The following PRRC2B variants were observed in gnomAD, a reference collection of about 807,000 sequenced individuals.
The protein encoded by PRRC2B is proline rich coiled-coil 2B.
A neutral mutation model predicts 242.3 loss-of-function variants in PRRC2B; 68 were observed. The observed-to-expected ratio is 0.28, with a 90% CI of 0.23 to 0.34. The LOEUF is 0.34. Ranked by LOEUF, PRRC2B falls within the 10% of genes least tolerant of loss-of-function variation. The pLI, the probability that PRRC2B is intolerant of heterozygous loss-of-function variation, is 1.00. For synonymous variants in PRRC2B, 1,228 were observed against 1,173.6 expected, an observed-to-expected ratio of 1.05 and a Z score of -0.95; for missense variants, 2,835 against 2,954.8, an observed-to-expected ratio of 0.96 and a Z score of 0.94.
chr9:131,386,178 A>G (rs1448406035), intron 1 of PRRC2B, among the ~76,000 whole-genome samples: 1 of 149,390 alleles, frequency 6.7e-6, no homozygotes, highest in African/African-American at 2.4e-5. Flanking sequence ...AGTGGCGTGA[A>G]CATGTCTCAC....
chr9:131,379,922 C>A (rs1174353654), intron 1 of PRRC2B, among the ~76,000 whole-genome samples: 4 of 151,198 alleles, frequency 2.6e-5, no homozygotes, highest in African/African-American at 7.3e-5. Context: ...CCGCACCCAG[C>A]CAGCCTTTTT....
upstream of PRRC2B, among the ~76,000 whole-genome samples, chr9:131,393,742 G>GGGCCCATGCCCTTCCCA (rs1337886162): frequency 1.6e-5 from 2 of 126,684 alleles, no homozygotes; most frequent in African/African-American, 3.0e-5. Flanking sequence ...GGCCCAGGCC[G>GGGCCCATGCCCTTCCCA]GGCCCATGCC....
intron 1 of PRRC2B, among the ~76,000 whole-genome samples, chr9:131,426,564 G>A (rs954774535): frequency 2.0e-5 from 3 of 151,980 alleles, no homozygotes; most frequent in Non-Finnish European, 4.4e-5. Flanking sequence ...GATTTAAAAT[G>A]GCCCATGGAC....
At position 131,476,555 on chromosome 9, in the gene PRRC2B, G is replaced by T; in HGVS notation, c.4406+20G>T. The T allele has an allele frequency of 6.4e-7, 1 of 1,554,066 alleles. No individual in the cohort carries two copies. The highest frequency in any genetic ancestry group is 1.2e-5 in the South Asian group (1 of 82,346). On this transcript the variant is annotated intron_variant, in intron 16 of 31. Transcript: ENST00000683519. ...GAAAAGGTAAAACCAGACACCATCT[G>T]GGCCCTTTTTGTTGTTGTGTTCTGT...
At chr9:131,490,412 C>G (rs1944155276) in intron 28 of PRRC2B, 2 of 517,686 alleles carry the variant, frequency 3.9e-6, no homozygotes, top group Non-Finnish European at 7.7e-6. Flanking sequence ...CAGCATCTTC[C>G]CATCATTTTC....
At chr9:131,490,235 A>C (rs570358816) in intron 28 of PRRC2B, among the ~76,000 whole-genome samples, 20 of 132,768 alleles carry the variant, frequency 1.5e-4, no homozygotes, top group South Asian at 5.0e-4. Context: ...CCCTCACCTC[A>C]CCCCCTTACC....
intron 10 of PRRC2B, among the ~76,000 whole-genome samples, chr9:131,458,901 A>G (rs1293690871): frequency 1.3e-5 from 2 of 152,230 alleles, no homozygotes; most frequent in Non-Finnish European, 2.9e-5. Context: ...AGCTTGCTTT[A>G]AAGTGAGGAT....
At chr9:131,435,312 G>T (rs2994054) in intron 3 of PRRC2B, among the ~76,000 whole-genome samples, 1 of 149,324 alleles carries the variant, frequency 6.7e-6, no homozygotes, top group Non-Finnish European at 1.5e-5. Flanking sequence ...AAAAAGAAAA[G>T]AAAAAAAAGT....
At position 131,487,261 on chromosome 9, in the gene PRRC2B, C is replaced by A; in HGVS notation, c.5951C>A (p.Ser1984Tyr). 1 of 1,612,494 alleles carries A rather than the reference C, an allele frequency of 6.2e-7. No individual in the cohort carries two copies. Among genetic ancestry groups the A allele is most frequent in the South Asian group, 1.1e-5 (1 of 90,708 alleles). The change falls in exon 27 of 32, where the codon TCC (serine) becomes TAC (tyrosine). Residue 1984 changes from serine (S) to tyrosine (Y), a missense_variant. Ser to Tyr is a moderately radical substitution (Grantham distance 144). Around this residue, in one of 7 missense-constraint regions of PRRC2B, gnomAD observed 574 missense variants for 626.0 expected, o/e 0.92. Transcript: ENST00000683519. The surrounding 1 kb of genome is among the most constrained non-coding windows in gnomAD (Gnocchi z 5.3). The stretch of plus-strand genomic sequence containing the variant: ...AGGGGTGGGCTTCCTGTGTCCCAGT[C>A]CCAGGAGATCTTCAGCTCCTTGCAG... Reference protein sequence around the residue: ...GLRGGLPVSQSQEIFSSLQPF... With the variant: ...GLRGGLPVSQYQEIFSSLQPF...
rs150268842 is a variant in PRRC2B, at chr9:131,414,992, C to A, written c.-51-15102C>A. Among the ~76,000 whole-genome samples the A allele has an allele frequency of 5.2e-3, 793 of 152,142 alleles. 10 individuals are homozygous for A. The highest frequency in any genetic ancestry group is 0.019 in the African/African-American group (769 of 41,486). On this transcript the variant is annotated intron_variant, in intron 1 of 31. Coordinates refer to ENST00000683519, the MANE Select transcript of PRRC2B (RefSeq NM_013318.4). ...ATTTGGACATAATGACAGCAACTGT[C>A]TTTTTTGTTTGTTTTTTTGAGTCGG... is the stretch of plus-strand genomic sequence containing the variant.
In PRRC2B at chr9:131,496,627, A is replaced by AGGGG; in HGVS notation, c.*759_*762dup. The AGGGG allele has an allele frequency of 7.0e-6, 1 of 142,638 alleles. No homozygotes were observed. Among genetic ancestry groups the AGGGG allele is most frequent in the Non-Finnish European group, 1.5e-5 (1 of 65,560 alleles). The allele number at this position is 142,638 out of a possible 1,614,324, so 8.8% of individuals were successfully genotyped here. On this transcript the variant is annotated 3_prime_UTR_variant, in exon 32 of 32. Coordinates refer to ENST00000683519, the MANE Select transcript of PRRC2B (RefSeq NM_013318.4). ...CTCAGAGCAGCAGGCAGGTTGGGGG[A>AGGGG]GGGGGGGGGTCATAGTTGGGTTCCA...
In PRRC2B at chr9:131,464,876, C is replaced by T; in HGVS notation, c.1518C>T (p.Ala506=). The T allele has an allele frequency of 6.2e-7, 1 of 1,613,662 alleles. No homozygotes were observed. The highest frequency in any genetic ancestry group is 8.5e-7 in the Non-Finnish European group (1 of 1,179,814). The change falls in exon 12 of 32, where the codon GCC becomes GCT. Residue 506 remains alanine (A), a synonymous_variant. Transcript: ENST00000683519. The stretch of plus-strand genomic sequence containing the variant: ...AGATGTCCGAGGCGGTGGAGCGAGC[C>T]CGAAAGCGCCGGGAAGAAGAGGAGC... ...QSEMSEAVER[A]RKRREEEERR...
At chr9:131,483,790 A>G (rs1943938678) in intron 23 of PRRC2B, among the ~76,000 whole-genome samples, 1 of 152,144 alleles carries the variant, frequency 6.6e-6, no homozygotes. Flanking sequence ...CTCACCATCC[A>G]AGGGTCCCTG....
chr9:131,395,513 C>T (rs1209938846), intron 1 of PRRC2B, among the ~76,000 whole-genome samples: 3 of 152,200 alleles, frequency 2.0e-5, no homozygotes, highest in Non-Finnish European at 4.4e-5. Flanking sequence ...TCTGAGGCTT[C>T]ATCTGCATAA....
At chr9:131,463,604 C>G (rs1588266960) in intron 11 of PRRC2B, among the ~76,000 whole-genome samples, 1 of 143,738 alleles carries the variant, frequency 7.0e-6, no homozygotes, top group Admixed American at 7.1e-5. Flanking sequence ...ATAAAGAATC[C>G]AAAAGAGATT....
intron 2 of PRRC2B, among the ~76,000 whole-genome samples, chr9:131,431,268 C>T (rs995320511): frequency 6.6e-5 from 10 of 151,978 alleles, no homozygotes; most frequent in African/African-American, 2.2e-4. Context: ...GTAGCTGGGA[C>T]GACAGGCGCC....
At chr9:131,445,218 T>TG (rs1838757320) in intron 6 of PRRC2B, among the ~76,000 whole-genome samples, 3 of 151,912 alleles carry the variant, frequency 2.0e-5, no homozygotes, top group Admixed American at 2.0e-4. Flanking sequence ...TGGAGTGCAA[T>TG]GGTGCGATCT....
intron 3 of PRRC2B, among the ~76,000 whole-genome samples, chr9:131,436,369 A>AAAAAAG (rs1838371883): frequency 1.3e-5 from 2 of 152,250 alleles, no homozygotes; most frequent in Admixed American, 6.5e-5. Flanking sequence ...CCTGTCTCAA[A>AAAAAAG]AAAAAGAAAA....
chr9:131,479,354 A>G lies in PRRC2B; in HGVS notation c.4861A>G (p.Ser1621Gly), dbSNP rs901820379. The G allele has an allele frequency of 6.2e-7, 1 of 1,613,930 alleles. No homozygotes were observed. The highest frequency in any genetic ancestry group is 8.5e-7 in the Non-Finnish European group (1 of 1,179,856). The change falls in exon 19 of 32, where the codon AGC (serine) becomes GGC (glycine). Residue 1621 changes from serine (S) to glycine (G), a missense_variant. Around this residue, in one of 7 missense-constraint regions of PRRC2B, gnomAD observed 1,536 missense variants for 1,483.1 expected, o/e 1.04. Transcript: ENST00000683519. ...LEQGDVTVPG[S>G]SLGTEIWESS... is the part of the protein sequence containing the mutation. Reference sequence around the variant, plus strand: ...GCAAGGTGACGTGACCGTGCCTGGCAGCAGCCTGGGCACTGAGATCTGGGA... The same window carrying G: ...GCAAGGTGACGTGACCGTGCCTGGCGGCAGCCTGGGCACTGAGATCTGGGA...
Sources: gnomAD v4.1 joint callset for allele counts (sites outside exome capture counted in the v4.1 genomes callset) on GRCh38, gnomAD v4.1.1 for gene constraint, gnomAD v4.1.1 regional missense constraint, Gnocchi (gnomAD v3.1) non-coding constraint, MANE v1.5 for transcripts, NCBI Gene and HGNC (gene_info 2026-07-23, HGNC 2026-07-21) for gene names.